Variants in CNTN3 observed in about 807,000 individuals in gnomAD.
The protein encoded by CNTN3 is contactin-3.
Under a neutral mutation model 119.1 loss-of-function variants are expected in CNTN3, and 60 were observed. The ratio of observed to expected loss-of-function variants is 0.50; its 90% CI spans 0.41 to 0.62. CNTN3 has a LOEUF of 0.62. CNTN3 is among the 20% of genes least tolerant of loss of function. The pLI, the probability that CNTN3 is intolerant of heterozygous loss-of-function variation, is 0.00. For synonymous variants in CNTN3, 450 were observed against 438.7 expected, an observed-to-expected ratio of 1.03 and a Z score of -0.32; for missense variants, 1,101 against 1,242.4, an observed-to-expected ratio of 0.89 and a Z score of 1.71.
chr3:74,492,028 C>T (rs890292151), intron 3 of CNTN3, among the ~76,000 whole-genome samples: 1 of 152,074 alleles, frequency 6.6e-6, no homozygotes, highest in Admixed American at 6.6e-5. Flanking sequence ...AGCAGAGTAG[C>T]CTTGTAGCTT....
At chr3:74,473,721 C>T (rs1449146204) in intron 4 of CNTN3, among the ~76,000 whole-genome samples, 1 of 152,030 alleles carries the variant, frequency 6.6e-6, no homozygotes, top group African/African-American at 2.4e-5. Flanking sequence ...GGTGAAAATA[C>T]AGAGGGTAGA....
chr3:74,613,938 A>C (rs1705125244), intron 1 of CNTN3, among the ~76,000 whole-genome samples: 1 of 152,344 alleles, frequency 6.6e-6, no homozygotes, highest in Admixed American at 6.5e-5. Context: ...CGCTAATGAA[A>C]GAATCGGCCA....
At chr3:74,541,869 T>C (rs1159003817) in intron 1 of CNTN3, among the ~76,000 whole-genome samples, 1 of 152,098 alleles carries the variant, frequency 6.6e-6, no homozygotes, top group African/African-American at 2.4e-5. Flanking sequence ...CAATGGAAAA[T>C]TGTTTGTATC....
intron 1 of CNTN3, among the ~76,000 whole-genome samples, chr3:74,536,849 T>C (rs184763370): frequency 3.3e-5 from 5 of 152,230 alleles, no homozygotes; most frequent in Admixed American, 2.0e-4. Flanking sequence ...TCTGAGGATA[T>C]TAAAGAACCA....
In CNTN3 at chr3:74,527,299, A is replaced by G. The variant is rs572364382; in HGVS notation, c.-80-6107T>C. ...GAGATTGTTTTTTATATGGTGAGGT[A>G]TGTCATCTCTGACATTCTGTTAATT... is the stretch of plus-strand genomic sequence containing the variant. On this transcript the variant is annotated intron_variant, in intron 1 of 22. Transcript: ENST00000263665. 2.7e-4 allele frequency among the ~76,000 whole-genome samples: 41 copies of G among 152,066 alleles called. No individual in the cohort carries two copies. In the South Asian group the frequency reaches 8.3e-3, roughly 31 times the overall value.
chr3:74,355,143 C>T lies in CNTN3; in HGVS notation c.1364+6747G>A, dbSNP rs190361700. Reference sequence around the variant, plus strand: ...TCCCAAACTGAACTTATCCTATTTGCCCTCATTTCTGCCATTTCTATAAGG... The same window carrying T: ...TCCCAAACTGAACTTATCCTATTTGTCCTCATTTCTGCCATTTCTATAAGG... On this transcript the variant is annotated intron_variant, in intron 11 of 22. Transcript: ENST00000263665. Among the ~76,000 whole-genome samples the T allele has an allele frequency of 1.1e-4, 17 of 152,070 alleles. No homozygotes were observed. The East Asian group carries it at 3.3e-3, about 30-fold the overall frequency.
At chr3:74,499,383 T>A (rs927550832) in intron 3 of CNTN3, among the ~76,000 whole-genome samples, 2 of 151,974 alleles carry the variant, frequency 1.3e-5, no homozygotes, top group African/African-American at 4.8e-5. Flanking sequence ...GACAAGTACA[T>A]GTAAATCCAA....
intron 3 of CNTN3, among the ~76,000 whole-genome samples, chr3:74,496,530 T>G (rs1703066928): frequency 6.6e-6 from 1 of 152,032 alleles, no homozygotes; most frequent in Non-Finnish European, 1.5e-5. Flanking sequence ...TGTACCTATT[T>G]TACCCCAATC....
chr3:74,354,975 C>T (rs1476315743), intron 11 of CNTN3, among the ~76,000 whole-genome samples: 2 of 152,114 alleles, frequency 1.3e-5, no homozygotes, highest in Non-Finnish European at 2.9e-5. Context: ...ACTACAATGG[C>T]TCAGCTACCA....
intron 2 of CNTN3, among the ~76,000 whole-genome samples, chr3:74,504,501 T>C (rs34216812): frequency 0.032 from 4,946 of 152,256 alleles, 105 homozygotes; most frequent in South Asian, 0.076. Flanking sequence ...ATTTTGGCAA[T>C]GGTAGTTTAA....
chr3:74,431,072 A>C (rs1701775624), intron 4 of CNTN3, among the ~76,000 whole-genome samples: 1 of 152,132 alleles, frequency 6.6e-6, no homozygotes, highest in Admixed American at 6.5e-5. Flanking sequence ...TTTTGTAAAA[A>C]TTCACATGGA....
Position 74,575,510 on chromosome 3 carries a change from A to G in CNTN3, c.-81+38881T>C, listed in dbSNP as rs543086436. 2.6e-5 allele frequency among the ~76,000 whole-genome samples: 4 copies of G among 151,942 alleles called. No homozygotes were observed. The South Asian group carries it at 8.3e-4, about 32-fold the overall frequency. On this transcript the variant is annotated intron_variant, in intron 1 of 22. Transcript: ENST00000263665. ...CGTGATCTGCCCACCTCAGCCTCCC[A>G]AAGTGCTGGGATTACAGGTGTGAGC...
intron 14 of CNTN3, 143 bp downstream of exon 14, chr3:74,302,547 G>A: frequency 1.7e-6 from 1 of 591,210 alleles, no homozygotes; most frequent in Non-Finnish European, 3.1e-6. Context: ...CACCCCTATT[G>A]TCATATTCTG....
intron 5 of CNTN3, among the ~76,000 whole-genome samples, chr3:74,423,828 G>T (rs1350324388): frequency 6.6e-6 from 1 of 152,146 alleles, no homozygotes; most frequent in Non-Finnish European, 1.5e-5. Context: ...GTCTCCAGAT[G>T]GTTCACGAAT....
intron 4 of CNTN3, among the ~76,000 whole-genome samples, chr3:74,445,856 GCAGAAATAAACCTGAAATTGGGGCTGC>G (rs1180810105): frequency 6.6e-6 from 1 of 152,106 alleles, no homozygotes. Flanking sequence ...TCAGTTTTTG[GCAGAAATAAACCTGAAATTGGGGCTGC>G]CACGTAGGAC....
chr3:74,521,129 C>A lies in CNTN3; in HGVS notation c.-17G>T, dbSNP rs372818010. 2 of 1,564,580 alleles carry A rather than the reference C, an allele frequency of 1.3e-6. No individual in the cohort carries two copies. The highest frequency in any genetic ancestry group is 2.3e-5 in the East Asian group (1 of 43,368). ...AAACATCATCTTTAATTGCCAAATGCAAGAGTAACTCTTGTCCAGTCTCTG... is the reference window on the plus strand; with the variant it reads ...AAACATCATCTTTAATTGCCAAATGAAAGAGTAACTCTTGTCCAGTCTCTG... On this transcript the variant is annotated 5_prime_UTR_variant, in exon 2 of 23. Transcript: ENST00000263665.
chr3:74,483,749 G>A (rs1276437788), intron 4 of CNTN3, among the ~76,000 whole-genome samples: 3 of 151,994 alleles, frequency 2.0e-5, no homozygotes, highest in African/African-American at 7.2e-5. Flanking sequence ...CTTAGTCACT[G>A]ACCTGGGAGC....
At chr3:74,481,768 G>T (rs1010337616) in intron 4 of CNTN3, among the ~76,000 whole-genome samples, 3 of 151,684 alleles carry the variant, frequency 2.0e-5, no homozygotes, top group African/African-American at 7.2e-5. Context: ...GAAACAGAGT[G>T]TAGAAATTTG....
chr3:74,469,267 G>A (rs575654047), intron 4 of CNTN3, among the ~76,000 whole-genome samples: 3 of 152,084 alleles, frequency 2.0e-5, no homozygotes, highest in African/African-American at 7.2e-5. Context: ...TTCCGTCCAC[G>A]CTAAGCCACT....
Sources: gnomAD v4.1 joint callset for allele counts (sites outside exome capture counted in the v4.1 genomes callset) on GRCh38, gnomAD v4.1.1 for gene constraint, MANE v1.5 for transcripts, NCBI Gene and HGNC (gene_info 2026-07-23, HGNC 2026-07-21) for gene names.